The following TCN2 variants were observed in gnomAD, a reference collection of about 807,000 sequenced individuals.
The protein encoded by TCN2 is transcobalamin-2.
TCN2 carries 34 observed loss-of-function variants against 48.6 expected under a neutral mutation model. The observed-to-expected ratio is 0.70, with a 90% CI of 0.53 to 0.93. TCN2 has a LOEUF of 0.93. Among genes scored for constraint, TCN2 ranks in the 40% least tolerant of loss-of-function variants. TCN2 has a pLI of 0.00. For missense variants in TCN2, 652 were observed against 526.1 expected (o/e 1.24, Z -2.34); for synonymous variants, 283 against 212.5 (o/e 1.33, Z -2.89).
chr22:30,623,589 A>G (rs1212502823), intron 8 of TCN2, among the ~76,000 whole-genome samples: 1 of 151,694 alleles, frequency 6.6e-6, no homozygotes, highest in Non-Finnish European at 1.5e-5. Context: ...CTTTTTAAAA[A>G]TATGGCAGTA....
chr22:30,626,934 G>GCT lies in TCN2; in HGVS notation c.*417_*418dup, dbSNP rs2087819980. ...CCCGGGGGCTATGGCCCTGACCCCA[G>GCT]CTCTCCACTCTGCTGTTAGAGTGGC... On this transcript the variant is annotated 3_prime_UTR_variant, in exon 9 of 9. Coordinates refer to ENST00000215838, the MANE Select transcript of TCN2 (RefSeq NM_000355.4). 3.3e-6 allele frequency: 1 copy of GCT among 305,534 alleles called. No homozygotes were observed. Among genetic ancestry groups the GCT allele is most frequent in the Non-Finnish European group, 6.4e-6 (1 of 155,716 alleles). The allele number at this position is 305,534 out of a possible 1,614,324, so 18.9% of individuals were successfully genotyped here.
rs2145528950 is a variant in TCN2, at chr22:30,607,348, C to A, written c.17C>A (p.Ala6Asp). Residue 6 changes from alanine (A) to aspartate (D), a missense_variant, in exon 1 of 9, where the codon GCC (alanine) becomes GAC (aspartate). By Grantham distance (126) the Ala-to-Asp change is moderately radical. Coordinates refer to ENST00000215838, the MANE Select transcript of TCN2 (RefSeq NM_000355.4). MRHLG[A>D]FLFLLGVLGA... ...GCTGCTGCCATGAGGCACCTTGGGG[C>A]CTTCCTCTTCCTTCTGGGGGTCCTG... 1 of 1,614,136 alleles carries A rather than the reference C, an allele frequency of 6.2e-7. No homozygotes were observed.
Position 30,623,068 on chromosome 22 carries a change from AC to A in TCN2, c.1211del (p.Pro404HisfsTer19). On this transcript the variant is annotated frameshift_variant, in exon 8 of 9. Transcript: ENST00000215838. LOFTEE classifies it high-confidence loss of function. ...CTGGCAGCTTCTCCGAGACCCCAAC[AC>A]CCCACTGTTGCAAGGTGAGTCATGG... is the stretch of plus-strand genomic sequence containing the variant. ...EFWQLLRDPN[T>X]PLLQGIADYR... is the part of the protein sequence containing the mutation. The A allele has an allele frequency of 1.9e-6, 3 of 1,613,108 alleles. No individual in the cohort carries two copies. Among genetic ancestry groups the A allele is most frequent in the Non-Finnish European group, 2.5e-6 (3 of 1,179,788 alleles).
chr22:30,619,512 CTGT>C (rs1249018127), intron 7 of TCN2, among the ~76,000 whole-genome samples: 2 of 152,238 alleles, frequency 1.3e-5, no homozygotes, highest in African/African-American at 2.4e-5. Flanking sequence ...CATGTCTGGA[CTGT>C]TGTTTGACAG....
chr22:30,615,241 C>T (rs1433065187), intron 4 of TCN2, 60 bp from the exon 5 acceptor site: 9 of 1,595,784 alleles, frequency 5.6e-6, no homozygotes, highest in African/African-American at 1.3e-5. Context: ...CCTCAAGCCC[C>T]TGCCTGTCCT....
At chr22:30,613,765 T>C (rs73396379) in intron 3 of TCN2, among the ~76,000 whole-genome samples, 18,430 of 152,132 alleles carry the variant, frequency 0.12, 2,363 homozygotes, top group African/African-American at 0.31. Flanking sequence ...CTGGCACTGC[T>C]TAAACCCTGC....
rs72558373 is a variant in TCN2, at chr22:30,622,607, CGTT to C, written c.1107-358_1107-356del. Among the ~76,000 whole-genome samples, 187 of 152,300 alleles carry C rather than the reference CGTT, an allele frequency of 1.2e-3. 1 individual carries two copies. Among genetic ancestry groups the C allele is most frequent in the African/African-American group, 4.1e-3 (169 of 41,562 alleles). On this transcript the variant is annotated intron_variant, in intron 7 of 8. Coordinates refer to ENST00000215838, the MANE Select transcript of TCN2 (RefSeq NM_000355.4). ...TCTGTATGCAGGCTTCACCCTCTCT[CGTT>C]GTACATTGTACACATTCTAGGTGAC... is the stretch of plus-strand genomic sequence containing the variant.
At chr22:30,617,028 C>T (rs975948492) in intron 6 of TCN2, among the ~76,000 whole-genome samples, 2 of 151,880 alleles carry the variant, frequency 1.3e-5, no homozygotes. Context: ...CTCTGGAGTG[C>T]TAGGTGCCAG....
intron 2 of TCN2, among the ~76,000 whole-genome samples, chr22:30,612,321 G>A (rs1371700733): frequency 1.3e-5 from 2 of 152,076 alleles, no homozygotes; most frequent in Non-Finnish European, 2.9e-5. Flanking sequence ...GGCCAAGGTA[G>A]GTAGATCACA....
At chr22:30,622,820 A>C in intron 7 of TCN2, 148 bp from the exon 8 acceptor site, 1 of 784,278 alleles carries the variant, frequency 1.3e-6, no homozygotes, top group Non-Finnish European at 2.2e-6. Context: ...TTGAGATCAC[A>C]GACCTGTGGC....
intron 6 of TCN2, among the ~76,000 whole-genome samples, chr22:30,616,319 T>G (rs1602049376): frequency 6.6e-6 from 1 of 150,476 alleles, no homozygotes; most frequent in East Asian, 2.0e-4. Context: ...CTCCATCTAT[T>G]AAAAATACAA....
At chr22:30,611,624 C>T (rs2087543233) in intron 2 of TCN2, among the ~76,000 whole-genome samples, 1 of 152,356 alleles carries the variant, frequency 6.6e-6, no homozygotes, top group Non-Finnish European at 1.5e-5. Context: ...TCTCGTGCCT[C>T]AGCCACCTGA....
chr22:30,620,065 G>C (rs985233487), intron 7 of TCN2, among the ~76,000 whole-genome samples: 1 of 152,158 alleles, frequency 6.6e-6, no homozygotes, highest in Admixed American at 6.5e-5. Context: ...GCTGAGGTGG[G>C]AGGACTGCTT....
chr22:30,607,501 A>G (rs1226680074), intron 1 of TCN2, 106 bp downstream of exon 1: 2 of 1,266,072 alleles, frequency 1.6e-6, no homozygotes, highest in East Asian at 2.4e-5. Flanking sequence ...CTCCCATAGC[A>G]GTTTGGGCTT....
chr22:30,626,665 A>C lies in TCN2; in HGVS notation c.*144A>C. 1.1e-6 allele frequency: 1 copy of C among 899,892 alleles called. No individual in the cohort carries two copies. Among genetic ancestry groups the C allele is most frequent in the Non-Finnish European group, 1.8e-6 (1 of 558,484 alleles). The allele number at this position is 899,892 out of a possible 1,614,324, so 55.7% of individuals were successfully genotyped here. On this transcript the variant is annotated 3_prime_UTR_variant, in exon 9 of 9. Coordinates refer to ENST00000215838, the MANE Select transcript of TCN2 (RefSeq NM_000355.4). ...AATGCCCCCTGGGATCACCCCAGCC[A>C]CAAGCCCTTCGAGGGCCCTATACCA...
At chr22:30,613,843 A>G (rs886972037) in intron 3 of TCN2, among the ~76,000 whole-genome samples, 3 of 152,028 alleles carry the variant, frequency 2.0e-5, no homozygotes, top group Non-Finnish European at 2.9e-5. Context: ...GTGCTCATCC[A>G]TTCTCTGCCT....
chr22:30,619,726 G>C (rs1049377038), intron 7 of TCN2, among the ~76,000 whole-genome samples: 2 of 152,138 alleles, frequency 1.3e-5, no homozygotes, highest in African/African-American at 4.8e-5. Flanking sequence ...TGGTTCCTTC[G>C]GGTCCTCTAG....
intron 7 of TCN2, among the ~76,000 whole-genome samples, 179 bp from the exon 8 acceptor site, chr22:30,622,789 T>C (rs1023802546): frequency 9.9e-5 from 15 of 152,098 alleles, no homozygotes; most frequent in African/African-American, 3.6e-4. Context: ...ATCGGGGGTC[T>C]GGAGGGGAAG....
At chr22:30,622,334 C>A (rs144819341) in intron 7 of TCN2, among the ~76,000 whole-genome samples, 1 of 152,190 alleles carries the variant, frequency 6.6e-6, no homozygotes, top group Non-Finnish European at 1.5e-5. Flanking sequence ...GGCATCCAGA[C>A]GGAGTGCAGA....
Sources: allele counts gnomAD v4.1 joint callset (sites outside exome capture counted in the v4.1 genomes callset), GRCh38; gene constraint gnomAD v4.1.1; transcripts MANE v1.5; gene names NCBI Gene and HGNC (gene_info 2026-07-23, HGNC 2026-07-21).